DPAGT1: variants seen among roughly 807,000 people sequenced by gnomAD.
The protein encoded by DPAGT1 is UDP-N-acetylglucosamine--dolichyl-phosphate N-acetylglucosaminephosphotransferase.
A neutral mutation model predicts 39.3 loss-of-function variants in DPAGT1; 25 were observed. The ratio of observed to expected loss-of-function variants is 0.64; its 90% CI spans 0.46 to 0.89. DPAGT1 has a LOEUF of 0.89. DPAGT1 is among the 40% of genes least tolerant of loss of function. DPAGT1 has a pLI of 0.00. For synonymous variants in DPAGT1, 193 were observed against 201.4 expected, an observed-to-expected ratio of 0.96 and a Z score of 0.36; for missense variants, 381 against 500.6, an observed-to-expected ratio of 0.76 and a Z score of 2.28.
At chr11:119,100,547 G>A (rs1946481273) in intron 3 of DPAGT1, 83 bp downstream of exon 3, 2 of 1,598,732 alleles carry the variant, frequency 1.3e-6, no homozygotes, top group African/African-American at 1.3e-5. Context: ...GACAAAAAAG[G>A]AACACTTGGA....
At chr11:119,098,226 A>G in intron 5 of DPAGT1, 177 bp downstream of exon 5, 1 of 1,080,124 alleles carries the variant, frequency 9.3e-7, no homozygotes, top group Non-Finnish European at 1.4e-6. Flanking sequence ...GCCTCCACGC[A>G]CTCATCCCTA....
At chr11:119,099,227 C>T (rs1704327910) in intron 4 of DPAGT1, among the ~76,000 whole-genome samples, 1 of 151,912 alleles carries the variant, frequency 6.6e-6, no homozygotes, top group South Asian at 2.1e-4. Context: ...GAGTTCGAGA[C>T]CAGCCTGACC....
chr11:119,100,533 C>G, intron 3 of DPAGT1, 97 bp downstream of exon 3: 1 of 1,599,082 alleles, frequency 6.3e-7, no homozygotes, highest in Non-Finnish European at 8.6e-7. Context: ...TGGGAAGACA[C>G]AGAGACAAAA....
downstream of DPAGT1, chr11:119,095,219 A>G: frequency 6.2e-7 from 1 of 1,613,908 alleles, no homozygotes; most frequent in Non-Finnish European, 8.5e-7. Context: ...CTCAGCGGTG[A>G]GGTACTCCAG....
At position 119,096,871 on chromosome 11, in the gene DPAGT1, A is replaced by C; in HGVS notation, c.*127T>G. 3.5e-6 allele frequency: 4 copies of C among 1,141,840 alleles called. No individual in the cohort carries two copies. The highest frequency in any genetic ancestry group is 5.2e-6 in the Non-Finnish European group (4 of 775,724). 70.7% of individuals were successfully genotyped at this position (1,141,840 alleles called of 1,614,324 possible). On this transcript the variant is annotated 3_prime_UTR_variant, in exon 9 of 9. Transcript: ENST00000354202. ...TCACAGAGAAAGGAAAATGCTGAGA[A>C]CAAAATCTGGAGGAGTATGAAGAGT...
At chr11:119,099,408 C>G (rs765478461) in intron 4 of DPAGT1, among the ~76,000 whole-genome samples, 1 of 59,596 alleles carries the variant, frequency 1.7e-5, no homozygotes, top group Non-Finnish European at 3.2e-5. Context: ...TGGGCAAGAA[C>G]AAAACTCCGT....
chr11:119,094,953 G>A (rs1164286446), downstream of DPAGT1: 6 of 1,589,828 alleles, frequency 3.8e-6, no homozygotes, highest in South Asian at 5.6e-5. Context: ...CGGCCGCGGC[G>A]CGGGCCCTCT....
rs1946517726 is a variant in DPAGT1 at position 119,101,849 on chromosome 11, G to A, written c.-194C>T. ...GGGGAACCTCTCTAAGGCAACCTAT[G>A]TTCTGCCCCGCTGCACCCGCCTATC... is the stretch of plus-strand genomic sequence containing the variant. On this transcript the variant is annotated 5_prime_UTR_variant, in exon 1 of 9. Coordinates refer to ENST00000354202, the MANE Select transcript of DPAGT1 (RefSeq NM_001382.4). 6 of 1,452,374 alleles carry A rather than the reference G, an allele frequency of 4.1e-6. No homozygotes were observed. Among genetic ancestry groups the A allele is most frequent in the Non-Finnish European group, 5.4e-6 (6 of 1,104,518 alleles). The allele number at this position is 1,452,374 out of a possible 1,614,324, so 90.0% of individuals were successfully genotyped here.
rs1430188630 is a variant in DPAGT1, at chr11:119,097,837, A to C, written c.917+18T>G. 3 of 1,613,970 alleles carry C rather than the reference A, an allele frequency of 1.9e-6. No individual in the cohort carries two copies. Among genetic ancestry groups the C allele is most frequent in the Non-Finnish European group, 2.5e-6 (3 of 1,179,896 alleles). On this transcript the variant is annotated intron_variant, in intron 6 of 8. Coordinates refer to ENST00000354202, the MANE Select transcript of DPAGT1 (RefSeq NM_001382.4). The surrounding 1 kb of genome is among the most constrained non-coding windows in gnomAD (Gnocchi z 4.6). ...GTGAAAAGGCTATGATGTCCATTTC[A>C]AGCCAAAAAGCGGCTACCTGGGTAT...
In DPAGT1 at chr11:119,096,814, C is replaced by T. The variant is rs8551; in HGVS notation, c.*184G>A. ...TAGGTAAAATCCAATCAGTAGTCAG[C>T]AGAGGGCAAGAAACGCCCAGGATGC... On this transcript the variant is annotated 3_prime_UTR_variant, in exon 9 of 9. Transcript: ENST00000354202. 302,751 of 719,004 alleles carry T rather than the reference C, an allele frequency of 0.42. 66,477 individuals carry two copies. Among genetic ancestry groups the T allele is most frequent in the East Asian group, 0.62 (23,055 of 36,942 alleles). The allele number at this position is 719,004 out of a possible 1,614,324, so 44.5% of individuals were successfully genotyped here. A position where few individuals can be genotyped will look rare whatever the true frequency, so the allele number is the denominator to read the frequency against.
downstream of DPAGT1, among the ~76,000 whole-genome samples, chr11:119,095,964 TTC>T (rs1249976693): frequency 6.6e-6 from 1 of 152,072 alleles, no homozygotes; most frequent in Non-Finnish European, 1.5e-5. Context: ...TTTTTTTTCT[TTC>T]TTTCTTTTTT....
chr11:119,098,308 G>T, intron 5 of DPAGT1, 95 bp downstream of exon 5: 1 of 1,363,438 alleles, frequency 7.3e-7, no homozygotes, highest in Non-Finnish European at 1.1e-6. Context: ...AGAGGTATGC[G>T]CAGGTTTAGC....
downstream of DPAGT1, chr11:119,095,156 A>G: frequency 6.2e-7 from 1 of 1,613,902 alleles, no homozygotes; most frequent in Non-Finnish European, 8.5e-7. Context: ...GTGGCGGGGG[A>G]TGATTCGCGT....
rs1946493646 is a variant in DPAGT1, at chr11:119,101,010, C to A, written c.282+8G>T. 3.1e-6 allele frequency: 5 copies of A among 1,614,244 alleles called. No individual in the cohort carries two copies. Among genetic ancestry groups the A allele is most frequent in the Non-Finnish European group, 3.4e-6 (4 of 1,180,050 alleles). On this transcript the variant is annotated splice_region_variant and intron_variant, in intron 2 of 8. Transcript: ENST00000354202. Reference sequence around the variant, plus strand: ...GCCACAGGCAATCACCCCCACGAACCCACTTACTTCATGGTGGGGGAATGC... The same window carrying A: ...GCCACAGGCAATCACCCCCACGAACACACTTACTTCATGGTGGGGGAATGC...
Position 119,097,305 on chromosome 11 carries a change from G to C in DPAGT1, c.1006-8C>G, listed in dbSNP as rs1357255095. On this transcript the variant is annotated splice_region_variant and splice_polypyrimidine_tract_variant and intron_variant, in intron 7 of 8. Coordinates refer to ENST00000354202, the MANE Select transcript of DPAGT1 (RefSeq NM_001382.4). The surrounding 1 kb of genome is among the most constrained non-coding windows in gnomAD (Gnocchi z 4.6). Reference sequence around the variant, plus strand: ...CTGGAGGCTCTCTGCCACCTGGAGGGACCAGAGGTGAAGAGAACCTCAGCT... The same window carrying C: ...CTGGAGGCTCTCTGCCACCTGGAGGCACCAGAGGTGAAGAGAACCTCAGCT... 3 of 1,614,188 alleles carry C rather than the reference G, an allele frequency of 1.9e-6. No homozygotes were observed. The East Asian group carries it at 6.7e-5, about 36-fold the overall frequency.
In DPAGT1 at chr11:119,100,854, C is replaced by T. The variant is rs1592229320; in HGVS notation, c.283-11G>A. 6.2e-7 allele frequency: 1 copy of T among 1,614,164 alleles called. No homozygotes were observed. The highest frequency in any genetic ancestry group is 2.2e-5 in the East Asian group (1 of 44,878). ...TATCAGGGCCACAAACTGGGGGAGG[C>T]TCGGGCAGGTCCATGACTCAAGCCT... On this transcript the variant is annotated splice_polypyrimidine_tract_variant and intron_variant, in intron 2 of 8. Coordinates refer to ENST00000354202, the MANE Select transcript of DPAGT1 (RefSeq NM_001382.4).
chr11:119,100,650 AGTATCGG>A lies in DPAGT1; in HGVS notation c.469_475del (p.Pro157LeufsTer29). ...CCTACCCAAGTCCAGATGCAGGCCA[AGTATCGG>A]GCGGAAGGGCTTGGGCACCACAATG... On this transcript the variant is annotated frameshift_variant, in exon 3 of 9. Transcript: ENST00000354202. LOFTEE classifies it high-confidence loss of function. The A allele has an allele frequency of 6.2e-7, 1 of 1,614,114 alleles. No individual in the cohort carries two copies. The highest frequency in any genetic ancestry group is 8.5e-7 in the Non-Finnish European group (1 of 1,179,982).
Position 119,097,870 on chromosome 11 carries a change from C to T in DPAGT1, c.902G>A (p.Arg301His), listed in dbSNP as rs768416381. 3.3e-5 allele frequency: 53 copies of T among 1,613,824 alleles called. No individual in the cohort carries two copies. The highest frequency in any genetic ancestry group is 4.2e-5 in the Non-Finnish European group (50 of 1,179,972). ...PQLLHIIPCPRHRIPRLNIKT... is the reference protein window; with the variant it reads ...PQLLHIIPCPHHRIPRLNIKT... ...AAGCGGCTACCTGGGTATGCGGTGG[C>T]GAGGGCAGGGGATGATATGCAGGAG... Residue 301 changes from arginine (R) to histidine (H), a missense_variant, in exon 6 of 9, where the codon CGC becomes CAC. Physicochemically the swap from Arg to His is conservative, Grantham distance 29. Coordinates refer to ENST00000354202, the MANE Select transcript of DPAGT1 (RefSeq NM_001382.4). This position sits in a 1 kb window ranked among gnomAD's most constrained non-coding sequence, Gnocchi z 4.6.
At chr11:119,100,502 G>A in intron 3 of DPAGT1, 94 bp from the exon 4 acceptor site, 2 of 1,601,364 alleles carry the variant, frequency 1.2e-6, no homozygotes, top group African/African-American at 1.3e-5. Flanking sequence ...ACGATAGGAT[G>A]AAGGGCTACC....
Sources: allele counts gnomAD v4.1 joint callset (sites outside exome capture counted in the v4.1 genomes callset), GRCh38; gene constraint gnomAD v4.1.1; non-coding constraint Gnocchi (gnomAD v3.1); transcripts MANE v1.5; gene names NCBI Gene and HGNC (gene_info 2026-07-23, HGNC 2026-07-21).